Variants in ACYP2 observed in about 807,000 individuals in gnomAD.
The protein encoded by ACYP2 is acylphosphatase-2.
ACYP2 carries 12 observed loss-of-function variants against 11.2 expected under a neutral mutation model. The ratio of observed to expected loss-of-function variants is 1.08; its 90% CI spans 0.69 to 1.74. The LOEUF is 1.74. Among genes scored for constraint, ACYP2 ranks in the 40% most tolerant of loss-of-function variants. The pLI, the probability that ACYP2 is intolerant of heterozygous loss-of-function variation, is 0.00. For missense variants in ACYP2, 134 were observed against 101.9 expected (o/e 1.31, Z -1.35); for synonymous variants, 43 against 32.2 (o/e 1.33, Z -1.13).
chr2:54,089,951 G>C (rs1678136514), intron 4 of ACYP2, among the ~76,000 whole-genome samples: 1 of 151,832 alleles, frequency 6.6e-6, no homozygotes. Flanking sequence ...TTCGAGGCCA[G>C]CCTGGCTAAG....
intron 2 of ACYP2, among the ~76,000 whole-genome samples, chr2:53,998,414 A>G (rs1204743985): frequency 6.6e-6 from 1 of 152,222 alleles, no homozygotes; most frequent in Non-Finnish European, 1.5e-5. Context: ...TATTAACAGA[A>G]AAAGTGAAAG....
At chr2:54,177,776 A>C (rs1215151) in intron 6 of ACYP2, among the ~76,000 whole-genome samples, 62,848 of 151,486 alleles carry the variant, frequency 0.41, 13,721 homozygotes, top group East Asian at 0.69. Context: ...ACAGGGTTTT[A>C]CCATGTTGGC....
chr2:54,255,867 C>T (rs772966564), intron 6 of ACYP2: 7 of 1,613,752 alleles, frequency 4.3e-6, no homozygotes, highest in African/African-American at 4.0e-5. Context: ...CTAGGCCCTC[C>T]GCGGGTGGTG....
chr2:54,246,370 C>G (rs1020232345), intron 6 of ACYP2, among the ~76,000 whole-genome samples: 7 of 152,120 alleles, frequency 4.6e-5, no homozygotes, highest in Non-Finnish European at 8.8e-5. Context: ...TCCTATCTAA[C>G]TAACTTGGTA....
At chr2:54,079,471 G>C (rs749312892) in intron 4 of ACYP2, among the ~76,000 whole-genome samples, 2 of 152,214 alleles carry the variant, frequency 1.3e-5, no homozygotes, top group Non-Finnish European at 2.9e-5. Flanking sequence ...GAAACCAGCT[G>C]TCCCTCTCCT....
intron 6 of ACYP2, among the ~76,000 whole-genome samples, chr2:54,272,384 G>A (rs989167509): frequency 8.5e-5 from 13 of 152,182 alleles, no homozygotes; most frequent in African/African-American, 3.1e-4. Context: ...ACTAGGGAGG[G>A]ATCTCAGAGC....
At chr2:54,296,101 A>T (rs1414789377) in intron 6 of ACYP2, among the ~76,000 whole-genome samples, 3 of 152,176 alleles carry the variant, frequency 2.0e-5, no homozygotes, top group Non-Finnish European at 1.5e-5. Context: ...GTTGTGGAGG[A>T]GGCATATAAT....
At chr2:54,090,803 C>G (rs1210905598) in intron 4 of ACYP2, among the ~76,000 whole-genome samples, 1 of 152,198 alleles carries the variant, frequency 6.6e-6, no homozygotes, top group Non-Finnish European at 1.5e-5. Context: ...TCCTCTGTAT[C>G]ATTGTCCTGG....
At chr2:54,241,179 T>C (rs1427361494) in intron 6 of ACYP2, among the ~76,000 whole-genome samples, 2 of 152,214 alleles carry the variant, frequency 1.3e-5, no homozygotes, top group Non-Finnish European at 2.9e-5. Context: ...AAAAACATTT[T>C]TTAATTAAGT....
chr2:54,191,259 CT>C (rs1684227132), intron 6 of ACYP2, among the ~76,000 whole-genome samples: 1 of 152,174 alleles, frequency 6.6e-6, no homozygotes, highest in Non-Finnish European at 1.5e-5. Flanking sequence ...AAACTGCCCC[CT>C]GCTCTCCGCC....
At chr2:54,031,205 C>T (rs1292164722) in intron 2 of ACYP2, among the ~76,000 whole-genome samples, 2 of 152,004 alleles carry the variant, frequency 1.3e-5, no homozygotes, top group African/African-American at 4.8e-5. Flanking sequence ...ATACATGTGC[C>T]ATGTTGGTGT....
intron 5 of ACYP2, among the ~76,000 whole-genome samples, chr2:54,136,928 A>G (rs542566053): frequency 1.3e-5 from 2 of 152,278 alleles, no homozygotes; most frequent in African/African-American, 4.8e-5. Context: ...GTGAGCCGAG[A>G]TGGCGCCACT....
At chr2:54,113,961 G>C (rs12617094) in intron 4 of ACYP2, among the ~76,000 whole-genome samples, 2 of 152,178 alleles carry the variant, frequency 1.3e-5, no homozygotes, top group Admixed American at 6.5e-5. Context: ...GTTAAGTTAC[G>C]AGGTCTCTGC....
At chr2:54,212,957 T>G (rs895255932) in intron 6 of ACYP2, among the ~76,000 whole-genome samples, 4 of 152,134 alleles carry the variant, frequency 2.6e-5, no homozygotes, top group African/African-American at 9.7e-5. Flanking sequence ...AACTTTTATT[T>G]TAGGTTCAGG....
chr2:54,012,025 C>A (rs1183885553), intron 2 of ACYP2, among the ~76,000 whole-genome samples: 2 of 152,056 alleles, frequency 1.3e-5, no homozygotes, highest in Admixed American at 1.3e-4. Flanking sequence ...CACTTGAGGT[C>A]AGGAGTTTGA....
intron 2 of ACYP2, among the ~76,000 whole-genome samples, chr2:53,974,627 C>A (rs997052393): frequency 6.6e-6 from 1 of 152,128 alleles, no homozygotes; most frequent in African/African-American, 2.4e-5. Flanking sequence ...GATTTTTTCC[C>A]TAATACTGTT....
chr2:54,087,402 C>T (rs1180574408), intron 4 of ACYP2, among the ~76,000 whole-genome samples: 1 of 152,072 alleles, frequency 6.6e-6, no homozygotes, highest in Non-Finnish European at 1.5e-5. Flanking sequence ...GGCTGAATTA[C>T]AGTGGCGCCA....
At chr2:54,234,404 TG>T (rs753764476) in intron 6 of ACYP2, among the ~76,000 whole-genome samples, 43 of 152,266 alleles carry the variant, frequency 2.8e-4, no homozygotes, top group Non-Finnish European at 5.6e-4. Context: ...TTTGTCTTCA[TG>T]ATCATACTGG....
intron 4 of ACYP2, among the ~76,000 whole-genome samples, chr2:54,077,571 C>T (rs1677412341): frequency 6.6e-6 from 1 of 152,176 alleles, no homozygotes; most frequent in South Asian, 2.1e-4. Flanking sequence ...GGAAAGGGGA[C>T]TTCTGAGAAG....
Sources: gnomAD v4.1 joint callset for allele counts (sites outside exome capture counted in the v4.1 genomes callset) on GRCh38, gnomAD v4.1.1 for gene constraint, MANE v1.5 for transcripts, NCBI Gene and HGNC (gene_info 2026-07-23, HGNC 2026-07-21) for gene names.